RBMS3: variants seen among roughly 807,000 people sequenced by gnomAD.
RBMS3 encodes the protein RNA binding motif single stranded interacting protein 3, also known as RNA-binding motif, single-stranded-interacting protein 3.
RBMS3 carries 27 observed loss-of-function variants against 66.8 expected under a neutral mutation model. The observed-to-expected ratio is 0.40, with a 90% CI of 0.30 to 0.56. The LOEUF is 0.56. Among genes scored for constraint, RBMS3 ranks in the 20% least tolerant of loss-of-function variants. The pLI, the probability that RBMS3 is intolerant of heterozygous loss-of-function variation, is 0.40. For synonymous variants in RBMS3, 188 were observed against 183.0 expected (o/e 1.03, Z -0.22); for missense variants, 513 against 549.5 (o/e 0.93, Z 0.66).
chr3:29,517,335 T>TG (rs2044682236), intron 3 of RBMS3, among the ~76,000 whole-genome samples: 1 of 150,186 alleles, frequency 6.7e-6, no homozygotes, highest in African/African-American at 2.5e-5. Context: ...TTTTTGTTTT[T>TG]TTTTTGAAAC....
chr3:29,443,700 G>T (rs1237542919), intron 2 of RBMS3, among the ~76,000 whole-genome samples: 7 of 152,152 alleles, frequency 4.6e-5, no homozygotes, highest in Non-Finnish European at 7.4e-5. Context: ...GAAGCAAGAA[G>T]ACGAGCAAGG....
chr3:29,788,533 A>C lies in RBMS3; in HGVS notation c.637+25544A>C, dbSNP rs530385901. ...AGCCACTCTGCCAGGCCTGGAGTTCATTCTTAAGGGTACAAGAAAAGCTGT... is the reference window on the plus strand; with the variant it reads ...AGCCACTCTGCCAGGCCTGGAGTTCCTTCTTAAGGGTACAAGAAAAGCTGT... On this transcript the variant is annotated intron_variant, in intron 6 of 14. Coordinates refer to ENST00000383767, the MANE Select transcript of RBMS3 (RefSeq NM_001003793.3). 4.8e-4 allele frequency among the ~76,000 whole-genome samples: 73 copies of C among 152,246 alleles called. No individual in the cohort carries two copies. The Middle Eastern group carries it at 0.017, about 35-fold the overall frequency.
chr3:29,406,599 T>A (rs1308739415), intron 1 of RBMS3, among the ~76,000 whole-genome samples: 8 of 152,202 alleles, frequency 5.3e-5, no homozygotes, highest in Non-Finnish European at 8.8e-5. Flanking sequence ...TCATTCAATA[T>A]TTGAGCAAAT....
chr3:29,790,072 A>G (rs1284331520), intron 6 of RBMS3, among the ~76,000 whole-genome samples: 3 of 152,190 alleles, frequency 2.0e-5, no homozygotes, highest in Non-Finnish European at 4.4e-5. Flanking sequence ...TTTAGCTAAG[A>G]CAATCCAAAC....
chr3:29,539,407 G>A (rs952834279), intron 3 of RBMS3, among the ~76,000 whole-genome samples: 4 of 152,086 alleles, frequency 2.6e-5, no homozygotes, highest in African/African-American at 9.7e-5. Flanking sequence ...TGAAAAGTTG[G>A]TCCTACACAA....
intron 3 of RBMS3, among the ~76,000 whole-genome samples, chr3:29,574,727 T>C (rs1336711206): frequency 6.6e-6 from 1 of 150,622 alleles, no homozygotes; most frequent in African/African-American, 2.5e-5. Flanking sequence ...TGTGTATCCA[T>C]TGTGTGTTTT....
At chr3:29,763,531 CTA>C (rs1332508806) in intron 6 of RBMS3, among the ~76,000 whole-genome samples, 1 of 151,996 alleles carries the variant, frequency 6.6e-6, no homozygotes, top group African/African-American at 2.4e-5. Flanking sequence ...AAAATACTGT[CTA>C]TTTATCAGAG....
At chr3:29,664,272 A>G (rs1379066898) in intron 4 of RBMS3, among the ~76,000 whole-genome samples, 1 of 152,092 alleles carries the variant, frequency 6.6e-6, no homozygotes, top group African/African-American at 2.4e-5. Context: ...GGAAGATCAC[A>G]AGGTCAAGAG....
intron 2 of RBMS3, among the ~76,000 whole-genome samples, chr3:29,449,174 C>T (rs35411876): frequency 0.25 from 38,223 of 152,014 alleles, 4,924 homozygotes; most frequent in African/African-American, 0.29. Flanking sequence ...TAATCTGTAA[C>T]CAATTAAGTA....
chr3:29,800,737 C>T (rs1488245719), intron 6 of RBMS3, among the ~76,000 whole-genome samples: 1 of 151,914 alleles, frequency 6.6e-6, no homozygotes, highest in East Asian at 1.9e-4. Flanking sequence ...AGTGTAAAAA[C>T]AAAGCAAAAC....
intron 4 of RBMS3, among the ~76,000 whole-genome samples, chr3:29,715,950 T>G (rs2053374355): frequency 6.6e-6 from 1 of 152,144 alleles, no homozygotes; most frequent in South Asian, 2.1e-4. Context: ...TCTGCCATAT[T>G]ATTTCTGGGA....
intron 1 of RBMS3, among the ~76,000 whole-genome samples, chr3:29,335,115 AT>A (rs34400668): frequency 0.099 from 14,786 of 149,570 alleles, 910 homozygotes; most frequent in Non-Finnish European, 0.14. Context: ...TATGTTTGAC[AT>A]TTTTTTTTTA....
intron 4 of RBMS3, among the ~76,000 whole-genome samples, chr3:29,609,254 A>G (rs2048413609): frequency 6.6e-6 from 1 of 152,024 alleles, no homozygotes; most frequent in South Asian, 2.1e-4. Flanking sequence ...CACTTAATGT[A>G]GTACTGGTCC....
chr3:29,852,528 C>T (rs1356923494), intron 6 of RBMS3, among the ~76,000 whole-genome samples: 1 of 152,170 alleles, frequency 6.6e-6, no homozygotes, highest in Non-Finnish European at 1.5e-5. Flanking sequence ...CAAAAGAAGA[C>T]ATACATCTAG....
At chr3:29,599,960 A>G (rs751842342) in intron 4 of RBMS3, among the ~76,000 whole-genome samples, 1 of 152,290 alleles carries the variant, frequency 6.6e-6, no homozygotes, top group Middle Eastern at 3.4e-3. Flanking sequence ...CAAGTCACAT[A>G]TGAAAATCCA....
chr3:29,957,264 A>G (rs1696107102), intron 12 of RBMS3, among the ~76,000 whole-genome samples: 1 of 152,148 alleles, frequency 6.6e-6, no homozygotes, highest in Non-Finnish European at 1.5e-5. Flanking sequence ...AGCAGAGACT[A>G]TTCATATTTA....
Position 29,487,517 on chromosome 3 carries a change from A to C in RBMS3, c.249-924A>C, listed in dbSNP as rs113591563. Among the ~76,000 whole-genome samples the C allele has an allele frequency of 4.4e-3, 672 of 152,274 alleles. 6 individuals are homozygous for C. The highest frequency in any genetic ancestry group is 0.016 in the African/African-American group (649 of 41,556). On this transcript the variant is annotated intron_variant, in intron 2 of 14. Transcript: ENST00000383767. ...TAGTAATGTTTGAAGCTTTGGGGAC[A>C]GAATCTTTACCCCCTTCCACTTCTC...
intron 4 of RBMS3, among the ~76,000 whole-genome samples, chr3:29,680,391 G>A (rs2051436081): frequency 1.3e-5 from 2 of 152,196 alleles, no homozygotes; most frequent in South Asian, 2.1e-4. Flanking sequence ...AAGCAAAATA[G>A]TGCGTGTTTT....
chr3:29,434,042 A>G (rs987258291), intron 1 of RBMS3, among the ~76,000 whole-genome samples: 2 of 152,194 alleles, frequency 1.3e-5, no homozygotes, highest in African/African-American at 4.8e-5. Context: ...ACAACAAATA[A>G]TTATCCTGTC....
Sources: allele counts gnomAD v4.1 joint callset (sites outside exome capture counted in the v4.1 genomes callset), GRCh38; gene constraint gnomAD v4.1.1; transcripts MANE v1.5; gene names NCBI Gene and HGNC (gene_info 2026-07-23, HGNC 2026-07-21).